EIF2A: variants seen among roughly 807,000 people sequenced by gnomAD.
The protein encoded by EIF2A is eukaryotic translation initiation factor 2A.
Under a neutral mutation model 75.2 loss-of-function variants are expected in EIF2A, and 62 were observed. That is an observed-to-expected ratio of 0.82 (90% CI 0.67 to 1.02). EIF2A has a LOEUF of 1.02. EIF2A is among the 50% of genes least tolerant of loss of function. EIF2A has a pLI of 0.00. For missense variants in EIF2A, 611 were observed against 677.7 expected (o/e 0.90, Z 1.09); for synonymous variants, 207 against 239.0 (o/e 0.87, Z 1.23).
intron 10 of EIF2A, among the ~76,000 whole-genome samples, chr3:150,573,607 C>T (rs1415015646): frequency 1.3e-5 from 2 of 151,982 alleles, no homozygotes; most frequent in Admixed American, 6.6e-5. Flanking sequence ...TTTTATGTGG[C>T]GTGATGATTG....
intron 2 of EIF2A, 79 bp from the exon 3 acceptor site, chr3:150,558,309 A>G: frequency 8.0e-7 from 1 of 1,246,966 alleles, no homozygotes; most frequent in African/African-American, 1.6e-5. Context: ...TGATAGTGAA[A>G]TGGTTGACTT....
At position 150,581,492 on chromosome 3, in the gene EIF2A, C is replaced by A. The variant is rs926446050; in HGVS notation, c.1498-126C>A. On this transcript the variant is annotated intron_variant, in intron 11 of 13. Coordinates refer to ENST00000460851, the MANE Select transcript of EIF2A (RefSeq NM_032025.5). Reference sequence around the variant, plus strand: ...CTTCATGAGACCTTTAATTCAGATTCTTTATATAAAATGTAGATAAAATCA... The same window carrying A: ...CTTCATGAGACCTTTAATTCAGATTATTTATATAAAATGTAGATAAAATCA... The A allele has an allele frequency of 8.4e-6, 10 of 1,189,792 alleles. No individual in the cohort carries two copies. In the African/African-American group the frequency reaches 1.4e-4, roughly 17 times the overall value. 73.7% of individuals were successfully genotyped at this position (1,189,792 alleles called of 1,614,324 possible). A position where few individuals can be genotyped will look rare whatever the true frequency, so the allele number is the denominator to read the frequency against.
chr3:150,574,776 A>G (rs1335902564), intron 10 of EIF2A, among the ~76,000 whole-genome samples: 1 of 152,252 alleles, frequency 6.6e-6, no homozygotes, highest in Non-Finnish European at 1.5e-5. Flanking sequence ...CTTATAAGTA[A>G]AATGCGGATC....
chr3:150,572,192 A>G lies in EIF2A; in HGVS notation c.1046A>G (p.Tyr349Cys). 1 of 1,613,956 alleles carries G rather than the reference A, an allele frequency of 6.2e-7. No individual in the cohort carries two copies. The highest frequency in any genetic ancestry group is 8.5e-7 in the Non-Finnish European group (1 of 1,179,876). ...GQMEVWDVKN[Y>C]KLISKPVASD... is the part of the protein sequence containing the mutation. ...ATGGAAGTGTGGGATGTGAAAAACT[A>G]CAAACTTATTTCTAAACCGGTGGCT... is the stretch of plus-strand genomic sequence containing the variant. Residue 349 changes from tyrosine to cysteine, a missense_variant, in exon 10 of 14, where the codon TAC becomes TGC. Coordinates refer to ENST00000460851, the MANE Select transcript of EIF2A (RefSeq NM_032025.5).
chr3:150,574,700 CTT>C (rs1291743305), intron 10 of EIF2A, among the ~76,000 whole-genome samples: 3 of 152,192 alleles, frequency 2.0e-5, no homozygotes, highest in Non-Finnish European at 4.4e-5. Context: ...GATAAGGTCA[CTT>C]TATGGTTTCT....
At chr3:150,563,927 A>G (rs952387472) in intron 5 of EIF2A, among the ~76,000 whole-genome samples, 1 of 151,934 alleles carries the variant, frequency 6.6e-6, no homozygotes, top group African/African-American at 2.4e-5. Flanking sequence ...AAGCAATTTC[A>G]CCTGCCTCAG....
At position 150,584,923 on chromosome 3, in the gene EIF2A, CT is replaced by C. The variant is rs1725388192; in HGVS notation, c.*1013del. Among the ~76,000 whole-genome samples, 1 of 151,428 alleles carries C rather than the reference CT, an allele frequency of 6.6e-6. No individual in the cohort carries two copies. The highest frequency in any genetic ancestry group is 2.4e-5 in the African/African-American group (1 of 41,198). Reference sequence around the variant, plus strand: ...CAAAGGCATGCAATGAAAATTAAGTCTGTTCCACTACCACATTTTCCAGTTT... The same window carrying C: ...CAAAGGCATGCAATGAAAATTAAGTCGTTCCACTACCACATTTTCCAGTTT... On this transcript the variant is annotated 3_prime_UTR_variant, in exon 14 of 14. Transcript: ENST00000460851.
chr3:150,560,458 G>A (rs887223296), intron 3 of EIF2A, among the ~76,000 whole-genome samples: 1 of 152,100 alleles, frequency 6.6e-6, no homozygotes, highest in African/African-American at 2.4e-5. Flanking sequence ...TCAATTCTGA[G>A]TAGGCTCCAG....
chr3:150,564,055 G>T (rs1446569394), intron 5 of EIF2A, among the ~76,000 whole-genome samples: 1 of 152,154 alleles, frequency 6.6e-6, no homozygotes, highest in Non-Finnish European at 1.5e-5. Flanking sequence ...CTGACCTCAG[G>T]TGATCCACCT....
Position 150,572,436 on chromosome 3 carries a change from A to G in EIF2A, c.1290A>G (p.Ala430=). 6.2e-7 allele frequency: 1 copy of G among 1,614,062 alleles called. No homozygotes were observed. The highest frequency in any genetic ancestry group is 8.5e-7 in the Non-Finnish European group (1 of 1,179,892). Residue 430 remains alanine, a synonymous_variant, in exon 10 of 14, where the codon GCA becomes GCG. Coordinates refer to ENST00000460851, the MANE Select transcript of EIF2A (RefSeq NM_032025.5). ...CAGCAAAAACAATAACTTACCAAGC[A>G]GTTCCAAGTGAAGTACCCAATGAGG... is the stretch of plus-strand genomic sequence containing the variant. The part of the protein sequence containing the change: ...IFPAKTITYQ[A]VPSEVPNEEP...
In EIF2A at chr3:150,582,162, G is replaced by A. The variant is rs142299960; in HGVS notation, c.1626+416G>A. On this transcript the variant is annotated intron_variant, in intron 12 of 13. Coordinates refer to ENST00000460851, the MANE Select transcript of EIF2A (RefSeq NM_032025.5). The stretch of plus-strand genomic sequence containing the variant: ...ACTACAGGTGTGCGCCACCACGCCT[G>A]GCTAATTTTTATATTTTTAGTAGAG... 3.7e-3 allele frequency among the ~76,000 whole-genome samples: 559 copies of A among 151,558 alleles called. 2 individuals are homozygous for A. Among genetic ancestry groups the A allele is most frequent in the African/African-American group, 0.013 (537 of 41,272 alleles).
intron 1 of EIF2A, chr3:150,547,103 A>G: frequency 5.7e-6 from 3 of 529,246 alleles, no homozygotes; most frequent in Non-Finnish European, 1.0e-5. Flanking sequence ...GGAGAAAAAC[A>G]ATGTGCTAGT....
chr3:150,562,441 T>G, intron 3 of EIF2A, 101 bp from the exon 4 acceptor site: 1 of 902,772 alleles, frequency 1.1e-6, no homozygotes, highest in Non-Finnish European at 1.6e-6. Flanking sequence ...AAGTCAACAT[T>G]TTGGAGTGAT....
intron 4 of EIF2A, 99 bp from the exon 5 acceptor site, chr3:150,563,416 C>T: frequency 2.2e-6 from 2 of 897,944 alleles, no homozygotes; most frequent in Non-Finnish European, 3.4e-6. Context: ...ATGATTTAAC[C>T]CATTTGATAG....
Position 150,572,292 on chromosome 3 carries a change from G to C in EIF2A, c.1146G>C (p.Arg382=). 6.2e-7 allele frequency: 1 copy of C among 1,613,920 alleles called. No individual in the cohort carries two copies. Among genetic ancestry groups the C allele is most frequent in the South Asian group, 1.1e-5 (1 of 91,082 alleles). The change falls in exon 10 of 14, where the codon CGG becomes CGC. Residue 382 remains arginine (R), a synonymous_variant. Transcript: ENST00000460851. ...ILTATCAPRL[R]VNNGYKIWHY... ...CAGCTACATGTGCTCCCAGGTTACG[G>C]GTTAATAATGGATACAAAATTTGGC...
intron 2 of EIF2A, among the ~76,000 whole-genome samples, chr3:150,553,288 A>T (rs73169829): frequency 0.11 from 16,516 of 146,988 alleles, 1,174 homozygotes; most frequent in Non-Finnish European, 0.16. Context: ...AGGGCATTGC[A>T]CTCCAGCCTG....
intron 2 of EIF2A, among the ~76,000 whole-genome samples, chr3:150,553,056 C>T (rs893183838): frequency 2.6e-5 from 4 of 152,132 alleles, no homozygotes; most frequent in Admixed American, 6.5e-5. Context: ...GTGGCTCACG[C>T]CTGTAATCCC....
intron 10 of EIF2A, among the ~76,000 whole-genome samples, chr3:150,574,455 A>G (rs900155239): frequency 6.6e-6 from 1 of 152,228 alleles, no homozygotes; most frequent in African/African-American, 2.4e-5. Context: ...CTACTACAGA[A>G]GAGCCCACTA....
At chr3:150,558,594 C>CCTG in intron 3 of EIF2A, 132 bp downstream of exon 3, 2 of 720,162 alleles carry the variant, frequency 2.8e-6, no homozygotes, top group Non-Finnish European at 4.1e-6. Flanking sequence ...GAGATATTAC[C>CCTG]TCTCGTTACA....
Sources: gnomAD v4.1 joint callset for allele counts (sites outside exome capture counted in the v4.1 genomes callset) on GRCh38, gnomAD v4.1.1 for gene constraint, MANE v1.5 for transcripts, NCBI Gene and HGNC (gene_info 2026-07-23, HGNC 2026-07-21) for gene names.